ARHGAP32: variants seen among roughly 807,000 people sequenced by gnomAD.
The protein encoded by ARHGAP32 is rho GTPase-activating protein 32.
In ARHGAP32, 51 loss-of-function variants were observed where a neutral mutation model predicts 186.5. The observed-to-expected ratio is 0.27, with a 90% confidence interval of 0.22 to 0.35. ARHGAP32 has a LOEUF of 0.35. Ranked by LOEUF, ARHGAP32 falls within the 10% of genes least tolerant of loss-of-function variation. The pLI is 1.00. For missense variants in ARHGAP32, 2,186 were observed against 2,623.5 expected (o/e 0.83, Z 3.64); for synonymous variants, 950 against 964.3 (o/e 0.99, Z 0.27).
chr11:128,973,958 G>T, intron 21 of ARHGAP32, 166 bp downstream of exon 21: 4 of 791,132 alleles, frequency 5.1e-6, no homozygotes, highest in South Asian at 1.9e-5. Flanking sequence ...AGTTTTGTTG[G>T]ACTGCTTTTA....
At chr11:129,127,000 A>ATAAAAAATTGACT (rs1942677892) in intron 2 of ARHGAP32, among the ~76,000 whole-genome samples, 1 of 152,246 alleles carries the variant, frequency 6.6e-6, no homozygotes, top group South Asian at 2.1e-4. Flanking sequence ...ACTTAAAAAT[A>ATAAAAAATTGACT]TAAAAGAATA....
intron 1 of ARHGAP32, among the ~76,000 whole-genome samples, chr11:129,254,665 C>T (rs1447959660): frequency 3.9e-5 from 6 of 152,070 alleles, no homozygotes; most frequent in Non-Finnish European, 8.8e-5. Flanking sequence ...TTTCACTATT[C>T]CTGTTTCACC....
chr11:129,195,985 G>A (rs2439798), upstream of ARHGAP32, among the ~76,000 whole-genome samples: 97,116 of 152,010 alleles, frequency 0.64, 31,479 homozygotes, highest in Non-Finnish European at 0.7. Context: ...AAGCTTTTAT[G>A]GAGCTGAAGT....
chr11:129,083,047 A>AT (rs1941266723), intron 6 of ARHGAP32, among the ~76,000 whole-genome samples: 1 of 152,234 alleles, frequency 6.6e-6, no homozygotes, highest in Admixed American at 6.5e-5. Flanking sequence ...CCACAGTGTG[A>AT]TACCTCCTTA....
chr11:129,142,378 T>G (rs1333364292), intron 2 of ARHGAP32, among the ~76,000 whole-genome samples: 1 of 152,188 alleles, frequency 6.6e-6, no homozygotes, highest in African/African-American at 2.4e-5. Context: ...CATTAATTAC[T>G]GAACAGTACA....
chr11:129,124,472 A>G (rs751609073), intron 3 of ARHGAP32, among the ~76,000 whole-genome samples: 6 of 152,152 alleles, frequency 3.9e-5, no homozygotes, highest in East Asian at 3.8e-4. Context: ...TAATAATCTC[A>G]TAACTCAAAC....
chr11:129,122,967 T>C (rs1419547614), intron 5 of ARHGAP32, among the ~76,000 whole-genome samples: 2 of 152,116 alleles, frequency 1.3e-5, no homozygotes, highest in Non-Finnish European at 2.9e-5. Context: ...AAGCTGCCAA[T>C]GATATAAGAG....
rs566484718 is a variant in ARHGAP32, at chr11:128,970,510, C to T, written c.4703G>A (p.Arg1568Gln). The change falls in exon 23 of 23, where the codon CGG (arginine) becomes CAG (glutamine). Residue 1568 changes from arginine to glutamine, a missense_variant. This residue lies in a region of ARHGAP32 where 1,502 missense variants were observed against 1,570.0 expected (regional missense o/e 0.96). Transcript: ENST00000682385. The surrounding 1 kb of genome is among the most constrained non-coding windows in gnomAD (Gnocchi z 5.8). ...GCTCAAAGAAGACACATACTCGACC[C>T]GGCTGCATGGCTTGGAGTGGTGTCC... ...ASGHHSKPCS[R>Q]VEYVSSLSSS... 1.1e-5 allele frequency: 17 copies of T among 1,614,094 alleles called. No homozygotes were observed. The highest frequency in any genetic ancestry group is 6.7e-5 in the African/African-American group (5 of 75,012).
At chr11:128,972,425 C>A (rs1358350764) in intron 22 of ARHGAP32, 28 bp downstream of exon 22, 1 of 1,505,532 alleles carries the variant, frequency 6.6e-7, no homozygotes, top group African/African-American at 1.4e-5. Context: ...TAGTATATTT[C>A]ATCTCACTGA....
intron 5 of ARHGAP32, among the ~76,000 whole-genome samples, chr11:129,099,651 A>C (rs1395422508): frequency 6.6e-6 from 1 of 152,224 alleles, no homozygotes; most frequent in Non-Finnish European, 1.5e-5. Context: ...GACTATACTA[A>C]AAATAAATAA....
chr11:129,027,148 G>A (rs905709325), intron 11 of ARHGAP32, among the ~76,000 whole-genome samples: 19 of 151,286 alleles, frequency 1.3e-4, no homozygotes, highest in African/African-American at 4.6e-4. Flanking sequence ...TTCACAGCAT[G>A]TCTGCAAATT....
intron 19 of ARHGAP32, among the ~76,000 whole-genome samples, chr11:128,977,847 G>C (rs1945590608): frequency 1.7e-5 from 2 of 121,106 alleles, no homozygotes; most frequent in Admixed American, 1.9e-4. Flanking sequence ...TCGCTTATTT[G>C]CAATTTATTA....
chr11:128,982,995 G>A (rs571729833), intron 15 of ARHGAP32, among the ~76,000 whole-genome samples: 117 of 151,310 alleles, frequency 7.7e-4, no homozygotes, highest in Non-Finnish European at 1.4e-3. Context: ...GTCTACATCC[G>A]AGCCACAAAG....
chr11:129,143,088 T>TATATATATATATATATATATATATAA (rs886102587), intron 2 of ARHGAP32, among the ~76,000 whole-genome samples: 16 of 149,018 alleles, frequency 1.1e-4, no homozygotes, highest in Non-Finnish European at 1.8e-4. Context: ...TATATATATA[T>TATATATATATATATATATATATATAA]AATCAACTGA....
At chr11:129,157,339 T>A (rs1943431399) in intron 2 of ARHGAP32, among the ~76,000 whole-genome samples, 3 of 151,998 alleles carry the variant, frequency 2.0e-5, no homozygotes. Flanking sequence ...TGAAAAAAGC[T>A]TAAAGGAATT....
chr11:129,139,264 A>G (rs1942998158), intron 2 of ARHGAP32, among the ~76,000 whole-genome samples: 2 of 152,208 alleles, frequency 1.3e-5, no homozygotes, highest in South Asian at 2.1e-4. Context: ...TGAAAAATAT[A>G]TAACAAAACT....
chr11:129,019,699 T>C (rs987715765), intron 11 of ARHGAP32, among the ~76,000 whole-genome samples: 1 of 152,162 alleles, frequency 6.6e-6, no homozygotes, highest in South Asian at 2.1e-4. Context: ...GTTGTGTGTG[T>C]GGTAAAAACA....
intron 2 of ARHGAP32, among the ~76,000 whole-genome samples, chr11:129,150,436 C>T (rs752661290): frequency 8.5e-5 from 13 of 152,064 alleles, no homozygotes; most frequent in East Asian, 3.9e-4. Flanking sequence ...GAACTTAAGA[C>T]GAAAGAAAGA....
At chr11:129,153,268 G>A (rs368580892) in intron 2 of ARHGAP32, among the ~76,000 whole-genome samples, 356 of 152,066 alleles carry the variant, frequency 2.3e-3, no homozygotes, top group African/African-American at 8.3e-3. Flanking sequence ...TCCCATGTTC[G>A]TGGATGGGTA....
Sources: allele counts gnomAD v4.1 joint callset (sites outside exome capture counted in the v4.1 genomes callset), GRCh38; gene constraint gnomAD v4.1.1; regional missense constraint gnomAD v4.1.1; non-coding constraint Gnocchi (gnomAD v3.1); transcripts MANE v1.5; gene names NCBI Gene and HGNC (gene_info 2026-07-23, HGNC 2026-07-21).